RIMBP2: variants seen among roughly 807,000 people sequenced by gnomAD.
RIMBP2 encodes the protein RIMS-binding protein 2.
Under a neutral mutation model 118.6 loss-of-function variants are expected in RIMBP2, and 48 were observed. The ratio of observed to expected loss-of-function variants is 0.40; its 90% CI spans 0.32 to 0.51. RIMBP2 has a LOEUF of 0.51. Among genes scored for constraint, RIMBP2 ranks in the 20% least tolerant of loss-of-function variants. The pLI, the probability that RIMBP2 is intolerant of heterozygous loss-of-function variation, is 0.41. For missense variants in RIMBP2, 1,551 were observed against 1,768.3 expected (o/e 0.88, Z 2.20); for synonymous variants, 762 against 742.9 (o/e 1.03, Z -0.42).
At chr12:130,669,706 T>C (rs1313437802) in intron 1 of RIMBP2, among the ~76,000 whole-genome samples, 2 of 152,170 alleles carry the variant, frequency 1.3e-5, no homozygotes, top group African/African-American at 4.8e-5. Flanking sequence ...TATGTCTTCA[T>C]TGCAGTGTGA....
intron 2 of RIMBP2, among the ~76,000 whole-genome samples, chr12:130,552,002 G>T (rs2055833781): frequency 6.6e-6 from 1 of 152,224 alleles, no homozygotes; most frequent in Admixed American, 6.5e-5. Flanking sequence ...TACATGAATT[G>T]TTAAACCAAT....
chr12:130,443,581 C>T (rs1442078467), intron 10 of RIMBP2, among the ~76,000 whole-genome samples: 1 of 152,070 alleles, frequency 6.6e-6, no homozygotes, highest in African/African-American at 2.4e-5. Context: ...GTGTTGTGGC[C>T]CAGGGGAAGA....
At chr12:130,635,218 T>C (rs977590870) in intron 1 of RIMBP2, among the ~76,000 whole-genome samples, 1 of 152,116 alleles carries the variant, frequency 6.6e-6, no homozygotes, top group Admixed American at 6.5e-5. Context: ...GTTACTGCTG[T>C]AGAAAAACCA....
chr12:130,583,375 C>A (rs2058599095), intron 2 of RIMBP2, among the ~76,000 whole-genome samples: 1 of 151,550 alleles, frequency 6.6e-6, no homozygotes, highest in East Asian at 2.0e-4. Context: ...ATCATCATCA[C>A]CATGACCATC....
At chr12:130,438,334 A>ATCCGGGGGCCCCCCCCCC in intron 12 of RIMBP2, 31 bp downstream of exon 12, 1 of 1,344,516 alleles carries the variant, frequency 7.4e-7, no homozygotes, top group Non-Finnish European at 1.1e-6. Context: ...GGGCCTAACA[A>ATCCGGGGGCCCCCCCCCC]ACCCTCCCCA....
In RIMBP2 at chr12:130,447,828, G is replaced by C. The variant is rs988146580; in HGVS notation, c.581+2372C>G. Among the ~76,000 whole-genome samples the C allele has an allele frequency of 2.6e-5, 4 of 152,198 alleles. No individual in the cohort carries two copies. The highest frequency in any genetic ancestry group is 3.2e-3 in the Middle Eastern group (1 of 314). On this transcript the variant is annotated intron_variant, in intron 9 of 22. Coordinates refer to ENST00000690449, the MANE Select transcript of RIMBP2 (RefSeq NM_001393629.1). This position sits in a 1 kb window ranked among gnomAD's most constrained non-coding sequence, Gnocchi z 4.4. Reference sequence around the variant, plus strand: ...GGAAGGGAGGAGACATGGACACAGAGGCAGCCCCTGCATGGAGGGCGGGGA... The same window carrying C: ...GGAAGGGAGGAGACATGGACACAGACGCAGCCCCTGCATGGAGGGCGGGGA...
At chr12:130,626,488 T>C (rs1260346900) in intron 2 of RIMBP2, among the ~76,000 whole-genome samples, 1 of 139,704 alleles carries the variant, frequency 7.2e-6, no homozygotes. Flanking sequence ...AGCATCACCA[T>C]CAGCTCCTCC....
At chr12:130,453,787 C>G (rs920870732) in intron 7 of RIMBP2, among the ~76,000 whole-genome samples, 2 of 152,206 alleles carry the variant, frequency 1.3e-5, no homozygotes, top group African/African-American at 4.8e-5. Flanking sequence ...AAGGCGGTGG[C>G]TCACACCTGT....
chr12:130,555,491 G>A (rs940999131), intron 2 of RIMBP2, among the ~76,000 whole-genome samples: 1 of 152,100 alleles, frequency 6.6e-6, no homozygotes, highest in Non-Finnish European at 1.5e-5. Context: ...ATAAATGCAA[G>A]CCTGAACACA....
chr12:130,462,234 T>C (rs1877976), intron 6 of RIMBP2, among the ~76,000 whole-genome samples: 96,733 of 151,950 alleles, frequency 0.64, 31,197 homozygotes, highest in South Asian at 0.81. Flanking sequence ...GCCTGGGGGG[T>C]TCTGGAACTT....
At chr12:130,574,521 T>A (rs1451346550) in intron 2 of RIMBP2, among the ~76,000 whole-genome samples, 7 of 152,128 alleles carry the variant, frequency 4.6e-5, no homozygotes, top group Non-Finnish European at 8.8e-5. Flanking sequence ...ATCTTTTACA[T>A]AAAAGCTCCC....
intron 21 of RIMBP2, among the ~76,000 whole-genome samples, chr12:130,400,749 C>T (rs150325570): frequency 3.0e-3 from 450 of 152,240 alleles, no homozygotes; most frequent in Non-Finnish European, 5.0e-3. Context: ...GGTTAATATC[C>T]AGAACATATA....
In RIMBP2 at chr12:130,447,284, C is replaced by T. The variant is rs113469592; in HGVS notation, c.582-2015G>A. On this transcript the variant is annotated intron_variant, in intron 9 of 22. Transcript: ENST00000690449. The surrounding 1 kb of genome is among the most constrained non-coding windows in gnomAD (Gnocchi z 4.4). Reference sequence around the variant, plus strand: ...AGAAGGTCCCTGGCTGGTAAGGGCACGGAGAAGAAGTGGGAGATCCTACGG... The same window carrying T: ...AGAAGGTCCCTGGCTGGTAAGGGCATGGAGAAGAAGTGGGAGATCCTACGG... Among the ~76,000 whole-genome samples, 13 of 151,750 alleles carry T rather than the reference C, an allele frequency of 8.6e-5. No homozygotes were observed. Among genetic ancestry groups the T allele is most frequent in the African/African-American group, 2.9e-4 (12 of 41,368 alleles).
intron 2 of RIMBP2, among the ~76,000 whole-genome samples, chr12:130,551,884 T>C (rs901384184): frequency 2.6e-5 from 4 of 152,256 alleles, no homozygotes; most frequent in African/African-American, 9.6e-5. Context: ...CAAGTCACCA[T>C]GTAGTCTTGC....
chr12:130,441,884 T>C lies in RIMBP2; in HGVS notation c.1468A>G (p.Lys490Glu). ...WQLPLEQREK[K>E]EAFVEFSTLP... ...GTGGAGAACTCCACAAAGGCCTCCT[T>C]CTTCTCCCTTTGCTCCAGCGGGAGC... The change falls in exon 11 of 23, where the codon AAG (lysine) becomes GAG (glutamate). Residue 490 changes from lysine (K) to glutamate (E), a missense_variant. By Grantham distance (56) the Lys-to-Glu change is moderately conservative (BLOSUM62 1). This residue lies in a region of RIMBP2 where 1,038 missense variants were observed against 1,125.1 expected (regional missense o/e 0.92). Coordinates refer to ENST00000690449, the MANE Select transcript of RIMBP2 (RefSeq NM_001393629.1). The C allele has an allele frequency of 6.2e-7, 1 of 1,613,840 alleles. No homozygotes were observed. Among genetic ancestry groups the C allele is most frequent in the Non-Finnish European group, 8.5e-7 (1 of 1,180,038 alleles).
chr12:130,414,479 G>T, intron 17 of RIMBP2, 173 bp from the exon 18 acceptor site: 1 of 593,092 alleles, frequency 1.7e-6, no homozygotes, highest in Non-Finnish European at 2.9e-6. Context: ...CAGATGAATT[G>T]GAGAAGCACA....
chr12:130,607,066 G>A (rs902691911), intron 2 of RIMBP2, among the ~76,000 whole-genome samples: 3 of 151,964 alleles, frequency 2.0e-5, no homozygotes, highest in Non-Finnish European at 2.9e-5. Context: ...TCCTGACCTC[G>A]TGATCTACCC....
intron 1 of RIMBP2, among the ~76,000 whole-genome samples, chr12:130,667,113 A>AGGG (rs2063976561): frequency 1.8e-5 from 1 of 55,152 alleles, no homozygotes; most frequent in African/African-American, 7.3e-5. Flanking sequence ...AAAAAAAGGA[A>AGGG]TGAGGGAGGG....
At chr12:130,619,388 G>A (rs1186910469) in intron 2 of RIMBP2, among the ~76,000 whole-genome samples, 1 of 152,198 alleles carries the variant, frequency 6.6e-6, no homozygotes, top group African/African-American at 2.4e-5. Flanking sequence ...TTCCAGGACT[G>A]AAATCATTAT....
Sources: gnomAD v4.1 joint callset for allele counts (sites outside exome capture counted in the v4.1 genomes callset) on GRCh38, gnomAD v4.1.1 for gene constraint, gnomAD v4.1.1 regional missense constraint, Gnocchi (gnomAD v3.1) non-coding constraint, MANE v1.5 for transcripts, NCBI Gene and HGNC (gene_info 2026-07-23, HGNC 2026-07-21) for gene names.